The following NIPBL variants were observed in gnomAD, a reference collection of about 807,000 sequenced individuals.
The protein encoded by NIPBL is NIPBL cohesin loading factor, also known as nipped-B-like protein.
A neutral mutation model predicts 321.8 loss-of-function variants in NIPBL; 19 were observed. The ratio of observed to expected loss-of-function variants is 0.06; its 90% CI spans 0.04 to 0.09. The LOEUF (loss-of-function observed/expected upper bound fraction) is 0.09, where lower values mean the gene tolerates loss of function less well. Ranked by LOEUF, NIPBL falls within the 10% of genes least tolerant of loss-of-function variation. The pLI, the probability that NIPBL is intolerant of heterozygous loss-of-function variation, is 1.00. For missense variants in NIPBL, 2,210 were observed against 3,327.0 expected (o/e 0.66, Z 8.26); for synonymous variants, 1,106 against 1,114.1 (o/e 0.99, Z 0.14).
chr5:36,933,658 TC>T (rs1749949231), intron 1 of NIPBL, among the ~76,000 whole-genome samples: 1 of 152,136 alleles, frequency 6.6e-6, no homozygotes, highest in Non-Finnish European at 1.5e-5. Flanking sequence ...AGCAGATTTT[TC>T]TGTATGGTTT....
intron 1 of NIPBL, among the ~76,000 whole-genome samples, chr5:36,930,158 T>C (rs1749675313): frequency 1.3e-5 from 2 of 152,076 alleles, no homozygotes; most frequent in Admixed American, 6.6e-5. Flanking sequence ...TATAGATCAA[T>C]TTGAAGAGAA....
intron 32 of NIPBL, among the ~76,000 whole-genome samples, chr5:37,034,288 T>TA (rs1272634994): frequency 2.0e-5 from 3 of 152,204 alleles, no homozygotes; most frequent in Non-Finnish European, 2.9e-5. Flanking sequence ...GAGAAAGTAT[T>TA]ACAGCCACTT....
chr5:36,952,340 A>AT (rs2149595956), intron 1 of NIPBL, among the ~76,000 whole-genome samples: 1 of 152,258 alleles, frequency 6.6e-6, no homozygotes, highest in South Asian at 2.1e-4. Context: ...AAAGATAAAT[A>AT]TTTAAGTTTT....
intron 1 of NIPBL, among the ~76,000 whole-genome samples, chr5:36,910,899 A>G (rs182109217): frequency 3.6e-4 from 55 of 152,310 alleles, no homozygotes; most frequent in Admixed American, 3.6e-3. Flanking sequence ...TGCTTAGTGA[A>G]TTGTGTTTTA....
chr5:37,016,548 G>A (rs1373260599), intron 23 of NIPBL, among the ~76,000 whole-genome samples: 5 of 151,942 alleles, frequency 3.3e-5, no homozygotes, highest in Non-Finnish European at 5.9e-5. Context: ...TTTTGTAGTC[G>A]TCATGTAACA....
At chr5:36,925,886 A>G (rs180679461) in intron 1 of NIPBL, among the ~76,000 whole-genome samples, 56 of 152,224 alleles carry the variant, frequency 3.7e-4, no homozygotes, top group African/African-American at 1.3e-3. Context: ...ATAATATTCT[A>G]TACCCTGTCT....
rs189183420 is a variant in NIPBL, at chr5:37,049,958, T to G, written c.6954+657T>G. Among the ~76,000 whole-genome samples the G allele has an allele frequency of 3.2e-3, 492 of 152,274 alleles. 2 individuals carry two copies. Among genetic ancestry groups the G allele is most frequent in the African/African-American group, 0.011 (475 of 41,544 alleles). ...TTCATGGAACGTTTTAAAAATATGA[T>G]TTATTTAAACATACTGTGGTCTTCC... On this transcript the variant is annotated intron_variant, in intron 40 of 46. Coordinates refer to ENST00000282516, the MANE Select transcript of NIPBL (RefSeq NM_133433.4).
intron 1 of NIPBL, among the ~76,000 whole-genome samples, chr5:36,877,485 C>T (rs1047287856): frequency 1.3e-5 from 2 of 152,162 alleles, no homozygotes; most frequent in Admixed American, 6.5e-5. Context: ...TAGGAGAGCT[C>T]CGGGCTGAGC....
chr5:37,014,353 AT>A (rs1401620042), intron 21 of NIPBL, among the ~76,000 whole-genome samples: 1 of 151,562 alleles, frequency 6.6e-6, no homozygotes, highest in African/African-American at 2.4e-5. Flanking sequence ...AGGTTGACAT[AT>A]TTTTTCTAAA....
intron 1 of NIPBL, among the ~76,000 whole-genome samples, chr5:36,952,400 T>C (rs1040515952): frequency 2.0e-5 from 3 of 152,152 alleles, no homozygotes; most frequent in African/African-American, 7.2e-5. Flanking sequence ...TATGGTTTAG[T>C]TGATGTAGAC....
At chr5:36,884,470 A>G (rs1012202270) in intron 1 of NIPBL, among the ~76,000 whole-genome samples, 1 of 152,234 alleles carries the variant, frequency 6.6e-6, no homozygotes, top group African/African-American at 2.4e-5. Context: ...CTGAGGAGAA[A>G]GAGAAAGCAT....
At position 36,961,670 on chromosome 5, in the gene NIPBL, T is replaced by C; in HGVS notation, c.458+87T>C. On this transcript the variant is annotated intron_variant, in intron 5 of 46. Coordinates refer to ENST00000282516, the MANE Select transcript of NIPBL (RefSeq NM_133433.4). ...TATGGTTCATACATTTAGGTAATGG[T>C]GGATTATTTAGAGTTTAAATAGTTG... 5.5e-6 allele frequency: 5 copies of C among 909,616 alleles called. No individual in the cohort carries two copies. The Admixed American group carries it at 6.9e-5, about 13-fold the overall frequency. 56.3% of individuals were successfully genotyped at this position (909,616 alleles called of 1,614,324 possible).
chr5:36,970,832 TA>T, intron 6 of NIPBL, 43 bp from the exon 7 acceptor site: 1 of 1,506,080 alleles, frequency 6.6e-7, no homozygotes, highest in Non-Finnish European at 9.2e-7. Context: ...CCAAGAATGT[TA>T]AGAATCTTTT....
intron 33 of NIPBL, 95 bp downstream of exon 33, chr5:37,036,582 C>T: frequency 2.4e-6 from 1 of 410,702 alleles, no homozygotes; most frequent in Non-Finnish European, 4.4e-6. Context: ...TCTGGCTCTG[C>T]TTGTCTAATG....
At chr5:36,945,557 C>T (rs937863893) in intron 1 of NIPBL, among the ~76,000 whole-genome samples, 3 of 152,094 alleles carry the variant, frequency 2.0e-5, no homozygotes, top group Admixed American at 1.3e-4. Context: ...TATTGGGACA[C>T]GCATATACAT....
rs933135633 is a variant in NIPBL at position 36,912,795 on chromosome 5, C to A, written c.-80+35617C>A. Among the ~76,000 whole-genome samples, 7 of 152,102 alleles carry A rather than the reference C, an allele frequency of 4.6e-5. No individual in the cohort carries two copies. The East Asian group carries it at 1.4e-3, about 29-fold the overall frequency. On this transcript the variant is annotated intron_variant, in intron 1 of 46. Coordinates refer to ENST00000282516, the MANE Select transcript of NIPBL (RefSeq NM_133433.4). ...GATTACAGATGTGAGCCACCGCGCCCGGTGTGTTGTTGATTTTTAGAACCT... is the reference window on the plus strand; with the variant it reads ...GATTACAGATGTGAGCCACCGCGCCAGGTGTGTTGTTGATTTTTAGAACCT...
intron 5 of NIPBL, among the ~76,000 whole-genome samples, chr5:36,961,895 A>G (rs1741668635): frequency 6.6e-6 from 1 of 152,204 alleles, no homozygotes; most frequent in Admixed American, 6.5e-5. Flanking sequence ...GTACTTTTAT[A>G]TAAGTAAACA....
intron 32 of NIPBL, 32 bp from the exon 33 acceptor site, chr5:37,036,347 G>GTGTATATATA (rs767653666): frequency 6.0e-5 from 23 of 384,512 alleles, no homozygotes; most frequent in African/African-American, 4.4e-4. Context: ...ATATATATAT[G>GTGTATATATA]TATATATATA....
At chr5:36,978,829 A>G (rs1012831298) in intron 9 of NIPBL, among the ~76,000 whole-genome samples, 9 of 151,956 alleles carry the variant, frequency 5.9e-5, no homozygotes, top group Non-Finnish European at 1.3e-4. Context: ...TCCCAGCACC[A>G]TTTATTGAAT....
Sources: allele counts gnomAD v4.1 joint callset (sites outside exome capture counted in the v4.1 genomes callset), GRCh38; gene constraint gnomAD v4.1.1; transcripts MANE v1.5; gene names NCBI Gene and HGNC (gene_info 2026-07-23, HGNC 2026-07-21).